DNMT1: variants seen among roughly 807,000 people sequenced by gnomAD.
The protein encoded by DNMT1 is DNA methyltransferase 1, also known as DNA (cytosine-5)-methyltransferase 1.
A neutral mutation model predicts 205.3 loss-of-function variants in DNMT1; 24 were observed. The ratio of observed to expected loss-of-function variants is 0.12; its 90% CI spans 0.08 to 0.16. DNMT1 has a LOEUF of 0.16. Among genes scored for constraint, DNMT1 ranks in the 10% least tolerant of loss-of-function variants. DNMT1 has a pLI of 1.00. For missense variants in DNMT1, 1,293 were observed against 2,177.7 expected (o/e 0.59, Z 8.09); for synonymous variants, 817 against 839.8 (o/e 0.97, Z 0.47).
chr19:10,146,619 C>A lies in DNMT1; in HGVS notation c.2721-95G>T. The A allele has an allele frequency of 2.0e-6, 3 of 1,513,760 alleles. No homozygotes were observed. The highest frequency in any genetic ancestry group is 3.8e-5 in the Admixed American group (2 of 52,824). 93.8% of individuals were successfully genotyped at this position (1,513,760 alleles called of 1,614,324 possible). A position where few individuals can be genotyped will look rare whatever the true frequency, so the allele number is the denominator to read the frequency against. On this transcript the variant is annotated intron_variant, in intron 27 of 40. Transcript: ENST00000359526. The surrounding 1 kb of genome is among the most constrained non-coding windows in gnomAD (Gnocchi z 4.4). ...AGCTTAATCCAGAGACTCTGGTAAC[C>A]AAGAGGAAAAAACATTTGCAGATGC...
At chr19:10,188,803 T>C (rs952229029) in intron 1 of DNMT1, among the ~76,000 whole-genome samples, 1 of 151,746 alleles carries the variant, frequency 6.6e-6, no homozygotes, top group Non-Finnish European at 1.5e-5. Context: ...ACTTTAAAGG[T>C]AGAGGAAGGG....
At chr19:10,139,543 G>A in intron 34 of DNMT1, 133 bp downstream of exon 34, 2 of 1,460,448 alleles carry the variant, frequency 1.4e-6, no homozygotes, top group South Asian at 2.5e-5. Flanking sequence ...GTGGGACAGA[G>A]CACCATGCCA....
chr19:10,189,655 G>C (rs2039263229), intron 1 of DNMT1, among the ~76,000 whole-genome samples: 1 of 151,690 alleles, frequency 6.6e-6, no homozygotes, highest in African/African-American at 2.4e-5. Context: ...CTTGGCTCAA[G>C]CGATCCTCCT....
At position 10,148,213 on chromosome 19, in the gene DNMT1, G is replaced by T. The variant is rs776809049; in HGVS notation, c.2720+671C>A. Among the ~76,000 whole-genome samples, 6 of 148,972 alleles carry T rather than the reference G, an allele frequency of 4.0e-5. No individual in the cohort carries two copies. The South Asian group carries it at 1.3e-3, about 31-fold the overall frequency. On this transcript the variant is annotated intron_variant, in intron 27 of 40. Coordinates refer to ENST00000359526, the MANE Select transcript of DNMT1 (RefSeq NM_001130823.3). ...GCAGTCACCCAGTTACAAAAGAATCGAGGACAGGTGTGGTGGCTCACGCCT... is the reference window on the plus strand; with the variant it reads ...GCAGTCACCCAGTTACAAAAGAATCTAGGACAGGTGTGGTGGCTCACGCCT...
At position 10,194,812 on chromosome 19, in the gene DNMT1, G is replaced by A. The variant is rs1222558547; in HGVS notation, c.80+8C>T. 1 of 1,611,710 alleles carries A rather than the reference G, an allele frequency of 6.2e-7. No homozygotes were observed. Among genetic ancestry groups the A allele is most frequent in the Non-Finnish European group, 8.5e-7 (1 of 1,179,148 alleles). On this transcript the variant is annotated splice_region_variant and intron_variant, in intron 1 of 40. Transcript: ENST00000359526. ...CCCTGAGTCCGTGTTCCCCCCCATG[G>A]TACCTACCGCCTGCGGACATCGTCG...
intron 19 of DNMT1, among the ~76,000 whole-genome samples, chr19:10,155,585 C>T (rs983416737): frequency 9.9e-5 from 15 of 151,998 alleles, no homozygotes; most frequent in Non-Finnish European, 1.6e-4. Flanking sequence ...TCAAATGATC[C>T]CCCCAACTCG....
At chr19:10,170,382 T>C (rs2038791028) in intron 9 of DNMT1, among the ~76,000 whole-genome samples, 1 of 150,628 alleles carries the variant, frequency 6.6e-6, no homozygotes, top group Non-Finnish European at 1.5e-5. Context: ...CTCACGCCTG[T>C]AATCCCAGCA....
intron 1 of DNMT1, among the ~76,000 whole-genome samples, chr19:10,189,294 T>A (rs2039255459): frequency 6.6e-6 from 1 of 152,142 alleles, no homozygotes; most frequent in Non-Finnish European, 1.5e-5. Context: ...TAATTTTTTT[T>A]GTATTTTTAG....
In DNMT1 at chr19:10,154,871, G is replaced by C. The variant is rs1385218600; in HGVS notation, c.1644+34C>G. ...GGTTCTGAAGGCAAGTTTCCAGTGG[G>C]AATCCCGGATGCTGAGGACCCTCGA... On this transcript the variant is annotated intron_variant, in intron 20 of 40. Transcript: ENST00000359526. This position sits in a 1 kb window ranked among gnomAD's most constrained non-coding sequence, Gnocchi z 6.3. 1 of 1,614,074 alleles carries C rather than the reference G, an allele frequency of 6.2e-7. No homozygotes were observed. Among genetic ancestry groups the C allele is most frequent in the African/African-American group, 1.3e-5 (1 of 74,916 alleles).
At chr19:10,144,379 G>A in intron 28 of DNMT1, 1 of 305,596 alleles carries the variant, frequency 3.3e-6, no homozygotes, top group Non-Finnish European at 6.4e-6. Flanking sequence ...CTGCACTCCA[G>A]CCTGTGTGAC....
Position 10,154,187 on chromosome 19 carries a change from G to T in DNMT1, c.2019+106C>A. On this transcript the variant is annotated intron_variant, in intron 22 of 40. Transcript: ENST00000359526. This position sits in a 1 kb window ranked among gnomAD's most constrained non-coding sequence, Gnocchi z 6.3. ...AATTTCTGTCTCAGGGGTCACATTT[G>T]AGCAGCCAGAGTCTCAAGCCACAGA... is the stretch of plus-strand genomic sequence containing the variant. 8.2e-7 allele frequency: 1 copy of T among 1,213,548 alleles called. No homozygotes were observed. The highest frequency in any genetic ancestry group is 1.2e-5 in the South Asian group (1 of 82,066). 75.2% of individuals were successfully genotyped at this position (1,213,548 alleles called of 1,614,324 possible).
rs191749360 is a variant in DNMT1 at position 10,141,844 on chromosome 19, G to A, written c.3309+184C>T. 4.4e-5 allele frequency: 28 copies of A among 640,894 alleles called. No individual in the cohort carries two copies. In the Admixed American group the frequency reaches 7.4e-4, roughly 17 times the overall value. The allele number at this position is 640,894 out of a possible 1,614,324, so 39.7% of individuals were successfully genotyped here. A position where few individuals can be genotyped will look rare whatever the true frequency, so the allele number is the denominator to read the frequency against. On this transcript the variant is annotated intron_variant, in intron 30 of 40. Coordinates refer to ENST00000359526, the MANE Select transcript of DNMT1 (RefSeq NM_001130823.3). ...ACCACTTGAATCTCATACAACTTGT[G>A]CTCTGGAGAACCCTGCTCAGACCCC...
chr19:10,153,545 G>A (rs527715360), intron 22 of DNMT1, among the ~76,000 whole-genome samples: 1 of 152,066 alleles, frequency 6.6e-6, no homozygotes, highest in African/African-American at 2.4e-5. Flanking sequence ...GCTGAGGTGG[G>A]AGAACTGATT....
chr19:10,163,037 TCA>T, intron 12 of DNMT1: 1 of 550,848 alleles, frequency 1.8e-6, no homozygotes, highest in Non-Finnish European at 3.2e-6. Flanking sequence ...CAATCTTGGC[TCA>T]CTGCAACCTC....
rs1599362402 is a variant in DNMT1 at position 10,151,961 on chromosome 19, A to T, written c.2020-114T>A. ...GATCACTTAAGGTCAGGAATTGCAG[A>T]CCAGCCTGGCCAACGTGGTGAAACC... is the stretch of plus-strand genomic sequence containing the variant. On this transcript the variant is annotated intron_variant, in intron 22 of 40. Coordinates refer to ENST00000359526, the MANE Select transcript of DNMT1 (RefSeq NM_001130823.3). This position sits in a 1 kb window ranked among gnomAD's most constrained non-coding sequence, Gnocchi z 5.0. The T allele has an allele frequency of 3.0e-6, 3 of 997,834 alleles. No individual in the cohort carries two copies. Among genetic ancestry groups the T allele is most frequent in the Non-Finnish European group, 4.7e-6 (3 of 634,346 alleles). 61.8% of individuals were successfully genotyped at this position (997,834 alleles called of 1,614,324 possible). A position where few individuals can be genotyped will look rare whatever the true frequency, so the allele number is the denominator to read the frequency against.
Position 10,133,608 on chromosome 19 carries a change from A to G in DNMT1, c.*59T>C, listed in dbSNP as rs2089418596. 6.4e-7 allele frequency: 1 copy of G among 1,559,312 alleles called. No homozygotes were observed. Among genetic ancestry groups the G allele is most frequent in the Non-Finnish European group, 8.7e-7 (1 of 1,146,834 alleles). On this transcript the variant is annotated 3_prime_UTR_variant, in exon 41 of 41. Coordinates refer to ENST00000359526, the MANE Select transcript of DNMT1 (RefSeq NM_001130823.3). The surrounding 1 kb of genome is among the most constrained non-coding windows in gnomAD (Gnocchi z 4.1). ...GGACAGATTGACATGTTAAAAACAC[A>G]ACATCAGTGCATGTTGGGGATTCCT...
chr19:10,138,298 G>A lies in DNMT1; in HGVS notation c.4115+141C>T, dbSNP rs2089532686. 2 of 1,330,512 alleles carry A rather than the reference G, an allele frequency of 1.5e-6. No individual in the cohort carries two copies. Among genetic ancestry groups the A allele is most frequent in the Admixed American group, 1.9e-5 (1 of 52,284 alleles). 82.4% of individuals were successfully genotyped at this position (1,330,512 alleles called of 1,614,324 possible). A position where few individuals can be genotyped will look rare whatever the true frequency, so the allele number is the denominator to read the frequency against. On this transcript the variant is annotated intron_variant, in intron 35 of 40. Coordinates refer to ENST00000359526, the MANE Select transcript of DNMT1 (RefSeq NM_001130823.3). The surrounding 1 kb of genome is among the most constrained non-coding windows in gnomAD (Gnocchi z 4.1). ...AACTGGAGACCACAGGTGGCAGAGT[G>A]CCATGTGGCAGAGCACCGTGTGGCA...
At position 10,151,264 on chromosome 19, in the gene DNMT1, T is replaced by C. The variant is rs957281420; in HGVS notation, c.2265+134A>G. On this transcript the variant is annotated intron_variant, in intron 24 of 40. Transcript: ENST00000359526. This position sits in a 1 kb window ranked among gnomAD's most constrained non-coding sequence, Gnocchi z 5.0. ...ATGGTCTCTTGGCCAGTCCCGCTCT[T>C]CTCAGGGGCAAACAGACAGGTTTCT... The C allele has an allele frequency of 1.1e-5, 15 of 1,355,906 alleles. No homozygotes were observed. Among genetic ancestry groups the C allele is most frequent in the Non-Finnish European group, 1.6e-5 (15 of 962,960 alleles). 84.0% of individuals were successfully genotyped at this position (1,355,906 alleles called of 1,614,324 possible).
intron 11 of DNMT1, among the ~76,000 whole-genome samples, chr19:10,165,413 GAC>G (rs2038669555): frequency 6.6e-6 from 1 of 152,082 alleles, no homozygotes; most frequent in African/African-American, 2.4e-5. Context: ...ATTTTTTTGA[GAC>G]AGAGTCTCGC....
Sources: gnomAD v4.1 joint callset for allele counts (sites outside exome capture counted in the v4.1 genomes callset) on GRCh38, gnomAD v4.1.1 for gene constraint, Gnocchi (gnomAD v3.1) non-coding constraint, MANE v1.5 for transcripts, NCBI Gene and HGNC (gene_info 2026-07-23, HGNC 2026-07-21) for gene names.